The following UNC5D variants were observed in gnomAD, a reference collection of about 807,000 sequenced individuals.
UNC5D encodes the protein netrin receptor UNC5D.
In UNC5D, 39 loss-of-function variants were observed where a neutral mutation model predicts 105.4. The observed-to-expected ratio is 0.37, with a 90% CI of 0.29 to 0.48. The LOEUF is 0.48. Among genes scored for constraint, UNC5D ranks in the 20% least tolerant of loss-of-function variants. The pLI, the probability that UNC5D is intolerant of heterozygous loss-of-function variation, is 0.98. For synonymous variants in UNC5D, 452 were observed against 450.4 expected (o/e 1.00, Z -0.04); for missense variants, 991 against 1,202.4 (o/e 0.82, Z 2.60).
chr8:35,758,940 T>C (rs534684755), intron 13 of UNC5D, among the ~76,000 whole-genome samples: 1 of 152,320 alleles, frequency 6.6e-6, no homozygotes, highest in East Asian at 1.9e-4. Context: ...ATGTGTCAGA[T>C]TGAGCATGAA....
intron 8 of UNC5D, among the ~76,000 whole-genome samples, chr8:35,714,384 A>G (rs1306353421): frequency 2.0e-5 from 3 of 152,228 alleles, no homozygotes; most frequent in African/African-American, 7.2e-5. Flanking sequence ...GGAAGGAAAT[A>G]TGGCATCAGA....
intron 1 of UNC5D, among the ~76,000 whole-genome samples, chr8:35,374,232 AGT>A (rs1455648188): frequency 6.6e-6 from 1 of 152,180 alleles, no homozygotes; most frequent in Non-Finnish European, 1.5e-5. Context: ...GATGACAGAA[AGT>A]GTGTGTTTTA....
At chr8:35,726,592 A>G in intron 10 of UNC5D, 63 bp downstream of exon 10, 1 of 1,565,086 alleles carries the variant, frequency 6.4e-7, no homozygotes, top group East Asian at 2.2e-5. Flanking sequence ...TTACACAGTT[A>G]CTTCCCATCA....
chr8:35,496,925 T>C (rs911176481), intron 1 of UNC5D, among the ~76,000 whole-genome samples: 3 of 152,144 alleles, frequency 2.0e-5, no homozygotes, highest in Non-Finnish European at 2.9e-5. Flanking sequence ...GAGGCACACG[T>C]GTAGGGGAGA....
intron 8 of UNC5D, among the ~76,000 whole-genome samples, chr8:35,719,095 C>T (rs990335870): frequency 6.2e-5 from 9 of 144,662 alleles, no homozygotes; most frequent in African/African-American, 1.3e-4. Flanking sequence ...TTCTTGTGTG[C>T]GTGTGATGAT....
intron 4 of UNC5D, among the ~76,000 whole-genome samples, chr8:35,598,112 C>T (rs1819605732): frequency 6.6e-6 from 1 of 152,136 alleles, no homozygotes; most frequent in Non-Finnish European, 1.5e-5. Flanking sequence ...TCAGATATCA[C>T]TTGCTCAGTA....
chr8:35,618,281 C>T (rs1227763478), intron 4 of UNC5D, among the ~76,000 whole-genome samples: 4 of 152,036 alleles, frequency 2.6e-5, no homozygotes, highest in Non-Finnish European at 5.9e-5. Flanking sequence ...GTTACAGTAA[C>T]GGGATATTTT....
chr8:35,480,029 A>T (rs576354450), intron 1 of UNC5D, among the ~76,000 whole-genome samples: 250 of 152,314 alleles, frequency 1.6e-3, no homozygotes, highest in Middle Eastern at 3.4e-3. Flanking sequence ...TTCCAATGGC[A>T]GTCCCTAACA....
intron 1 of UNC5D, among the ~76,000 whole-genome samples, chr8:35,495,177 C>T (rs368352824): frequency 3.3e-5 from 5 of 152,176 alleles, no homozygotes; most frequent in African/African-American, 1.2e-4. Flanking sequence ...AGAGAGAGAC[C>T]GAGGACTCCG....
chr8:35,559,971 T>C (rs1387539840), intron 2 of UNC5D, among the ~76,000 whole-genome samples: 2 of 152,004 alleles, frequency 1.3e-5, no homozygotes, highest in Admixed American at 6.5e-5. Flanking sequence ...TTATGTTTAG[T>C]ACATGCAGAG....
intron 13 of UNC5D, among the ~76,000 whole-genome samples, chr8:35,758,101 A>C (rs1410045900): frequency 6.6e-6 from 1 of 152,166 alleles, no homozygotes; most frequent in East Asian, 1.9e-4. Flanking sequence ...CACCCTTCCC[A>C]CAAGCAACAC....
intron 3 of UNC5D, among the ~76,000 whole-genome samples, chr8:35,592,788 A>G (rs368689964): frequency 3.9e-5 from 6 of 152,064 alleles, no homozygotes; most frequent in African/African-American, 1.4e-4. Flanking sequence ...GGATCCAGAT[A>G]TATATAGTGC....
intron 1 of UNC5D, among the ~76,000 whole-genome samples, chr8:35,369,798 C>T (rs1403980583): frequency 1.3e-5 from 2 of 152,160 alleles, no homozygotes; most frequent in African/African-American, 4.8e-5. Context: ...GTCTCCTGAG[C>T]TTTGCTTTGG....
chr8:35,513,460 C>A (rs1463663310), intron 1 of UNC5D, among the ~76,000 whole-genome samples: 1 of 151,992 alleles, frequency 6.6e-6, no homozygotes, highest in Non-Finnish European at 1.5e-5. Flanking sequence ...AACTCCTGAC[C>A]TCAGTTGATC....
At chr8:35,469,698 A>G (rs949812716) in intron 1 of UNC5D, among the ~76,000 whole-genome samples, 1 of 152,228 alleles carries the variant, frequency 6.6e-6, no homozygotes, top group African/African-American at 2.4e-5. Flanking sequence ...AAAGAAGGGC[A>G]TTTAAGGAAA....
At position 35,624,104 on chromosome 8, in the gene UNC5D, C is replaced by G. The variant is rs189456194; in HGVS notation, c.570+28447C>G. On this transcript the variant is annotated intron_variant, in intron 4 of 16. Coordinates refer to ENST00000404895, the MANE Select transcript of UNC5D (RefSeq NM_080872.4). ...CAAAAAGAAAAAAAAATTCATTAGTCTTATTTTTCCTGTTTCTCTACAAAG... is the reference window on the plus strand; with the variant it reads ...CAAAAAGAAAAAAAAATTCATTAGTGTTATTTTTCCTGTTTCTCTACAAAG... 5.2e-3 allele frequency among the ~76,000 whole-genome samples: 788 copies of G among 152,184 alleles called. 2 individuals are homozygous for G. The highest frequency in any genetic ancestry group is 0.01 in the Middle Eastern group (3 of 294).
intron 1 of UNC5D, among the ~76,000 whole-genome samples, chr8:35,277,636 C>T (rs72633518): frequency 7.1e-4 from 108 of 152,310 alleles, no homozygotes; most frequent in South Asian, 4.1e-3. Context: ...TGTTGTCTCT[C>T]ATTATGTGAG....
chr8:35,791,932 AAATT>A lies in UNC5D; in HGVS notation c.*1371_*1374del. 1 of 152,208 alleles carries A rather than the reference AAATT, an allele frequency of 6.6e-6. No individual in the cohort carries two copies. The highest frequency in any genetic ancestry group is 2.4e-5 in the African/African-American group (1 of 41,526). 9.4% of individuals were successfully genotyped at this position (152,208 alleles called of 1,614,324 possible). ...CTTTACTCCATCTTTTTATCCTATTAAATTATTTTTGACAAGATGTCCTGGTAGA... is the reference window on the plus strand; with the variant it reads ...CTTTACTCCATCTTTTTATCCTATTAATTTTTGACAAGATGTCCTGGTAGA... On this transcript the variant is annotated 3_prime_UTR_variant, in exon 17 of 17. Coordinates refer to ENST00000404895, the MANE Select transcript of UNC5D (RefSeq NM_080872.4).
intron 1 of UNC5D, among the ~76,000 whole-genome samples, chr8:35,501,265 A>T (rs1268533109): frequency 6.6e-6 from 1 of 152,214 alleles, no homozygotes; most frequent in East Asian, 1.9e-4. Context: ...TGTCACTTCC[A>T]GGTGCTGCCT....
Sources: allele counts gnomAD v4.1 joint callset (sites outside exome capture counted in the v4.1 genomes callset), GRCh38; gene constraint gnomAD v4.1.1; transcripts MANE v1.5; gene names NCBI Gene and HGNC (gene_info 2026-07-23, HGNC 2026-07-21).